The following ARHGAP39 variants were observed in gnomAD, a reference collection of about 807,000 sequenced individuals.
ARHGAP39 encodes rho GTPase-activating protein 39.
ARHGAP39 carries 44 observed loss-of-function variants against 106.9 expected under a neutral mutation model. The observed-to-expected ratio is 0.41, with a 90% CI of 0.32 to 0.53. ARHGAP39 has a LOEUF of 0.53. Ranked by LOEUF, ARHGAP39 falls within the 20% of genes least tolerant of loss-of-function variation. ARHGAP39 has a pLI of 0.21. For missense variants in ARHGAP39, 1,496 were observed against 1,577.3 expected (o/e 0.95, Z 0.87); for synonymous variants, 768 against 693.2 (o/e 1.11, Z -1.69).
intron 3 of ARHGAP39, among the ~76,000 whole-genome samples, chr8:144,574,070 G>A (rs1563680634): frequency 6.6e-6 from 1 of 150,728 alleles, no homozygotes; most frequent in Non-Finnish European, 1.5e-5. Context: ...CTACTCAGGA[G>A]GCTGATGCAC....
rs1225005317 is a variant in ARHGAP39 at position 144,547,322 on chromosome 8, G to A, written c.1764C>T (p.Asp588=). 9.3e-6 allele frequency: 15 copies of A among 1,609,298 alleles called. No homozygotes were observed. The highest frequency in any genetic ancestry group is 4.4e-5 in the South Asian group (4 of 90,862). The change falls in exon 5 of 12, where the codon GAC becomes GAT. Residue 588 remains aspartate (D), a synonymous_variant. Coordinates refer to ENST00000377307, the MANE Select transcript of ARHGAP39 (RefSeq NM_025251.3). This position sits in a 1 kb window ranked among gnomAD's most constrained non-coding sequence, Gnocchi z 5.2. ...CGGGCATGGGCAGTGGCAGGGCGCC[G>A]TCGCTCTCGTAGCCAGAGCCGTCCT... ...SQQDGSGYES[D]GALPLPMPGP...
chr8:144,609,239 G>T (rs1820398600), intron 1 of ARHGAP39, among the ~76,000 whole-genome samples: 1 of 152,150 alleles, frequency 6.6e-6, no homozygotes, highest in Non-Finnish European at 1.5e-5. Context: ...AATTAGGAAT[G>T]GATGTTGGAT....
intron 7 of ARHGAP39, among the ~76,000 whole-genome samples, chr8:144,535,946 C>A (rs1816935722): frequency 6.6e-6 from 1 of 152,218 alleles, no homozygotes; most frequent in South Asian, 2.1e-4. Context: ...CACACTACTT[C>A]ACCTGCAACT....
At chr8:144,568,596 T>C (rs1338349853) in intron 3 of ARHGAP39, among the ~76,000 whole-genome samples, 15 of 152,120 alleles carry the variant, frequency 9.9e-5, no homozygotes, top group Non-Finnish European at 2.9e-5. Flanking sequence ...AAAGTACAAA[T>C]GATAACAATG....
chr8:144,554,957 CA>C (rs1388225091), intron 4 of ARHGAP39, among the ~76,000 whole-genome samples: 1 of 152,234 alleles, frequency 6.6e-6, no homozygotes, highest in Non-Finnish European at 1.5e-5. Flanking sequence ...CACCCCCCTA[CA>C]GAAACAGCAG....
At chr8:144,699,824 G>T in the ARHGAP39 span, among the ~76,000 whole-genome samples, 1 of 152,080 alleles carries the variant, frequency 6.6e-6, no homozygotes, top group Non-Finnish European at 1.5e-5. Context: ...CAGTCACAGC[G>T]CCTTCCTCCG....
intron 1 of ARHGAP39, among the ~76,000 whole-genome samples, chr8:144,617,218 A>C (rs1222866572): frequency 4.0e-5 from 6 of 151,814 alleles, no homozygotes; most frequent in Non-Finnish European, 5.9e-5. Flanking sequence ...AAAAAAAAAA[A>C]CACCAAAAAA....
chr8:144,686,940 A>AC (rs1410962016), upstream of ARHGAP39, among the ~76,000 whole-genome samples: 1 of 46,594 alleles, frequency 2.1e-5, no homozygotes, highest in African/African-American at 1.1e-4. Flanking sequence ...ACCATTTCCC[A>AC]CCCCTGTGAC....
At chr8:144,650,905 G>A (rs1193759904) in intron 1 of ARHGAP39, among the ~76,000 whole-genome samples, 13 of 152,056 alleles carry the variant, frequency 8.5e-5, no homozygotes, top group African/African-American at 2.2e-4. Flanking sequence ...CAGAGCAATC[G>A]GGCAAGATAA....
At position 144,648,035 on chromosome 8, in the gene ARHGAP39, C is replaced by T. The variant is rs565819946; in HGVS notation, c.-82+37651G>A. ...TGGCCCTAAAAACTCACTCCTGGCACACACAATGGGGGACCTGTGACCTCA... is the reference window on the plus strand; with the variant it reads ...TGGCCCTAAAAACTCACTCCTGGCATACACAATGGGGGACCTGTGACCTCA... On this transcript the variant is annotated intron_variant, in intron 1 of 11. Transcript: ENST00000377307. 9.8e-5 allele frequency among the ~76,000 whole-genome samples: 15 copies of T among 152,320 alleles called. No individual in the cohort carries two copies. The South Asian group carries it at 3.1e-3, about 32-fold the overall frequency.
chr8:144,531,149 G>A (rs904294764), intron 10 of ARHGAP39, among the ~76,000 whole-genome samples: 10 of 152,256 alleles, frequency 6.6e-5, no homozygotes, highest in South Asian at 2.1e-4. Flanking sequence ...CCACCGTGAG[G>A]GGGTGTCTGC....
chr8:144,682,876 G>A (rs1374860671), intron 1 of ARHGAP39, among the ~76,000 whole-genome samples: 1 of 152,060 alleles, frequency 6.6e-6, no homozygotes, highest in East Asian at 1.9e-4. Context: ...AATTAGCCAG[G>A]TGTGGTGACA....
chr8:144,579,201 CAAAA>C (rs541332282), intron 3 of ARHGAP39, among the ~76,000 whole-genome samples: 1,955 of 39,522 alleles, frequency 0.049, 15 homozygotes, highest in African/African-American at 0.16. Context: ...GACTCTGTCT[CAAAA>C]AAAAAAAAAA....
chr8:144,568,867 C>T (rs1357124030), intron 3 of ARHGAP39, among the ~76,000 whole-genome samples: 1 of 148,548 alleles, frequency 6.7e-6, no homozygotes. Flanking sequence ...TCGATTAGTG[C>T]AGAAGGAAAA....
At chr8:144,536,550 G>A (rs1002995003) in intron 7 of ARHGAP39, among the ~76,000 whole-genome samples, 2 of 152,212 alleles carry the variant, frequency 1.3e-5, no homozygotes, top group Non-Finnish European at 2.9e-5. Flanking sequence ...CTCCTTCTAC[G>A]CTGCCCCAGA....
chr8:144,600,610 A>G (rs1819845130), intron 2 of ARHGAP39, among the ~76,000 whole-genome samples: 1 of 127,642 alleles, frequency 7.8e-6, no homozygotes, highest in Non-Finnish European at 1.6e-5. Context: ...GTGTTCGTGG[A>G]GGCGTGCGTG....
At chr8:144,652,032 A>T (rs1821586258) in intron 1 of ARHGAP39, among the ~76,000 whole-genome samples, 1 of 152,200 alleles carries the variant, frequency 6.6e-6, no homozygotes, top group Non-Finnish European at 1.5e-5. Flanking sequence ...CATAACACAG[A>T]TACAAAAAGC....
chr8:144,622,824 G>A (rs1324657976), intron 1 of ARHGAP39, among the ~76,000 whole-genome samples: 1 of 152,268 alleles, frequency 6.6e-6, no homozygotes, highest in Non-Finnish European at 1.5e-5. Context: ...GCCGGCAGCT[G>A]GCCTGCGCCC....
chr8:144,665,512 A>C (rs1690581009), intron 1 of ARHGAP39, among the ~76,000 whole-genome samples: 1 of 152,200 alleles, frequency 6.6e-6, no homozygotes, highest in African/African-American at 2.4e-5. Context: ...CCCAGGAGGA[A>C]AAAGTAGTTT....
Sources: gnomAD v4.1 joint callset for allele counts (sites outside exome capture counted in the v4.1 genomes callset) on GRCh38, gnomAD v4.1.1 for gene constraint, Gnocchi (gnomAD v3.1) non-coding constraint, MANE v1.5 for transcripts, NCBI Gene and HGNC (gene_info 2026-07-23, HGNC 2026-07-21) for gene names.